ELMO1: variants seen among roughly 807,000 people sequenced by gnomAD.
ELMO1 encodes engulfment and cell motility 1.
A neutral mutation model predicts 98.9 loss-of-function variants in ELMO1; 26 were observed. The observed-to-expected ratio is 0.26, with a 90% CI of 0.19 to 0.36. ELMO1 has a LOEUF of 0.36. ELMO1 is among the 10% of genes least tolerant of loss of function. ELMO1 has a pLI of 1.00. For synonymous variants in ELMO1, 346 were observed against 346.0 expected (o/e 1.00, Z 0.00); for missense variants, 627 against 935.2 (o/e 0.67, Z 4.30).
chr7:37,117,804 C>A (rs770045850), intron 14 of ELMO1, among the ~76,000 whole-genome samples: 2 of 152,142 alleles, frequency 1.3e-5, no homozygotes, highest in Non-Finnish European at 2.9e-5. Context: ...CAAACTCAAA[C>A]GTCCCAACAA....
At chr7:36,945,186 G>C (rs927932547) in intron 16 of ELMO1, among the ~76,000 whole-genome samples, 1 of 152,108 alleles carries the variant, frequency 6.6e-6, no homozygotes, top group African/African-American at 2.4e-5. Flanking sequence ...AATTGCACAA[G>C]GTCCATTATT....
At chr7:36,889,442 C>G (rs1042430100) in intron 17 of ELMO1, among the ~76,000 whole-genome samples, 1 of 152,210 alleles carries the variant, frequency 6.6e-6, no homozygotes, top group African/African-American at 2.4e-5. Context: ...GGGAGCTGCA[C>G]ACAGCAATAA....
At chr7:37,327,351 A>G (rs1320603669) in intron 2 of ELMO1, among the ~76,000 whole-genome samples, 1 of 152,266 alleles carries the variant, frequency 6.6e-6, no homozygotes, top group East Asian at 1.9e-4. Context: ...ATAAAAATTC[A>G]GACAGATTCA....
chr7:37,410,199 G>GA (rs1225818823), intron 1 of ELMO1, among the ~76,000 whole-genome samples: 2 of 151,844 alleles, frequency 1.3e-5, no homozygotes, highest in African/African-American at 2.4e-5. Context: ...TAATTGACAT[G>GA]AAAAAAAATG....
intron 13 of ELMO1, among the ~76,000 whole-genome samples, chr7:37,160,562 G>A (rs913465271): frequency 6.6e-6 from 1 of 152,150 alleles, no homozygotes; most frequent in Non-Finnish European, 1.5e-5. Context: ...CAGAGGAGCA[G>A]GGCGGTTTAA....
At chr7:37,362,108 G>A (rs144243039) in intron 1 of ELMO1, among the ~76,000 whole-genome samples, 2 of 152,012 alleles carry the variant, frequency 1.3e-5, no homozygotes, top group Non-Finnish European at 2.9e-5. Context: ...AAATAAAGCT[G>A]TAAAATGGTC....
chr7:37,323,434 T>C lies in ELMO1; in HGVS notation c.79-7474A>G, dbSNP rs759136553. ...AAGGATGGACGCGATGGCTCATGCCTGTAATCCTAGCACTTTAGGAGGCCA... is the reference window on the plus strand; with the variant it reads ...AAGGATGGACGCGATGGCTCATGCCCGTAATCCTAGCACTTTAGGAGGCCA... On this transcript the variant is annotated intron_variant, in intron 2 of 21. Coordinates refer to ENST00000310758, the MANE Select transcript of ELMO1 (RefSeq NM_014800.11). Among the ~76,000 whole-genome samples, 158 of 152,372 alleles carry C rather than the reference T, an allele frequency of 1.0e-3. 1 individual carries two copies. Among genetic ancestry groups the C allele is most frequent in the Non-Finnish European group, 1.2e-3 (82 of 68,034 alleles).
At chr7:37,190,074 T>G (rs963920265) in intron 13 of ELMO1, among the ~76,000 whole-genome samples, 36 of 151,590 alleles carry the variant, frequency 2.4e-4, no homozygotes, top group Non-Finnish European at 3.7e-4. Context: ...AAATGATATT[T>G]AGCAGAAATT....
At chr7:37,015,007 C>A (rs1411686755) in intron 15 of ELMO1, among the ~76,000 whole-genome samples, 1 of 152,122 alleles carries the variant, frequency 6.6e-6, no homozygotes, top group Admixed American at 6.5e-5. Flanking sequence ...ACACACCAAC[C>A]TCTTCTCTCC....
intron 2 of ELMO1, among the ~76,000 whole-genome samples, chr7:37,325,697 G>A (rs1799762145): frequency 6.6e-6 from 1 of 152,074 alleles, no homozygotes; most frequent in Admixed American, 6.5e-5. Context: ...ATTTTACTTT[G>A]GAATTTTACT....
chr7:37,196,586 T>C (rs895977362), intron 13 of ELMO1, among the ~76,000 whole-genome samples: 1 of 151,950 alleles, frequency 6.6e-6, no homozygotes, highest in East Asian at 1.9e-4. Flanking sequence ...TCCAAGGGAG[T>C]GGGGGGTGTC....
intron 1 of ELMO1, among the ~76,000 whole-genome samples, chr7:37,422,410 A>T (rs1454142098): frequency 3.3e-5 from 5 of 152,202 alleles, no homozygotes; most frequent in Admixed American, 6.5e-5. Flanking sequence ...TCCCCCAAAA[A>T]ATCTGTGCTT....
intron 1 of ELMO1, among the ~76,000 whole-genome samples, chr7:37,344,039 T>C (rs1800860825): frequency 6.6e-6 from 1 of 150,454 alleles, no homozygotes; most frequent in South Asian, 2.1e-4. Context: ...CAGCATTTTT[T>C]TTTTTTTTTT....
At chr7:36,873,316 G>A (rs1436583912) in intron 19 of ELMO1, among the ~76,000 whole-genome samples, 1 of 152,140 alleles carries the variant, frequency 6.6e-6, no homozygotes, top group East Asian at 1.9e-4. Flanking sequence ...ACACTCTAAG[G>A]AGGCTGCAGG....
intron 4 of ELMO1, among the ~76,000 whole-genome samples, chr7:37,285,737 T>C (rs940128282): frequency 1.3e-5 from 2 of 152,100 alleles, no homozygotes; most frequent in Non-Finnish European, 2.9e-5. Context: ...ACCCAGCCAA[T>C]GAGGAGTGCC....
chr7:36,944,331 A>G (rs1458199694), intron 16 of ELMO1, among the ~76,000 whole-genome samples: 1 of 152,122 alleles, frequency 6.6e-6, no homozygotes, highest in African/African-American at 2.4e-5. Flanking sequence ...AATTATCACC[A>G]TCTGTATTTT....
Position 36,919,262 on chromosome 7 carries a change from T to C in ELMO1, c.1438-24245A>G. Reference sequence around the variant, plus strand: ...GGTTAATAGTGACTAGGATAATCGTTCATGTCTATTACATTTCCCACAGCA... The same window carrying C: ...GGTTAATAGTGACTAGGATAATCGTCCATGTCTATTACATTTCCCACAGCA... On this transcript the variant is annotated intron_variant, in intron 16 of 21. Coordinates refer to ENST00000310758, the MANE Select transcript of ELMO1 (RefSeq NM_014800.11). The C allele has an allele frequency of 4.8e-6, 2 of 420,004 alleles. 1 individual carries two copies. Among genetic ancestry groups the C allele is most frequent in the South Asian group, 3.8e-5 (2 of 53,112 alleles). 26.0% of individuals were successfully genotyped at this position (420,004 alleles called of 1,614,324 possible).
rs139863850 is a variant in ELMO1, at chr7:36,977,270, G to T, written c.1437+36029C>A. On this transcript the variant is annotated intron_variant, in intron 16 of 21. Coordinates refer to ENST00000310758, the MANE Select transcript of ELMO1 (RefSeq NM_014800.11). ...TCACTACACTGAAAATTTTTAAAAAGGTTTAAGAAATCCCATTAAAGGAAT... is the reference window on the plus strand; with the variant it reads ...TCACTACACTGAAAATTTTTAAAAATGTTTAAGAAATCCCATTAAAGGAAT... Among the ~76,000 whole-genome samples, 24 of 152,270 alleles carry T rather than the reference G, an allele frequency of 1.6e-4. No individual in the cohort carries two copies. In the East Asian group the frequency reaches 3.1e-3, roughly 20 times the overall value.
At position 36,984,798 on chromosome 7, in the gene ELMO1, A is replaced by C. The variant is rs185056176; in HGVS notation, c.1437+28501T>G. 7.4e-4 allele frequency: 524 copies of C among 711,864 alleles called. 4 individuals are homozygous for C. In the African/African-American group the frequency reaches 9.7e-3, roughly 13 times the overall value. The allele number at this position is 711,864 out of a possible 1,614,324, so 44.1% of individuals were successfully genotyped here. Reference sequence around the variant, plus strand: ...CATAAGACAGGAAATCACATTTTAAAAAAAGTAACATGATGAATCCTCAAA... The same window carrying C: ...CATAAGACAGGAAATCACATTTTAACAAAAGTAACATGATGAATCCTCAAA... On this transcript the variant is annotated intron_variant, in intron 16 of 21. Transcript: ENST00000310758.
Sources: gnomAD v4.1 joint callset for allele counts (sites outside exome capture counted in the v4.1 genomes callset) on GRCh38, gnomAD v4.1.1 for gene constraint, MANE v1.5 for transcripts, NCBI Gene and HGNC (gene_info 2026-07-23, HGNC 2026-07-21) for gene names.